Variants in WDR47 observed in about 807,000 individuals in gnomAD.
WDR47 encodes the protein WD repeat domain 47, also known as WD repeat-containing protein 47.
A neutral mutation model predicts 97.2 loss-of-function variants in WDR47; 32 were observed. The ratio of observed to expected loss-of-function variants is 0.33; its 90% CI spans 0.25 to 0.44. The LOEUF (loss-of-function observed/expected upper bound fraction) is 0.44. Among genes scored for constraint, WDR47 ranks in the 20% least tolerant of loss-of-function variants. WDR47 has a pLI of 1.00. For missense variants in WDR47, 782 were observed against 1,102.3 expected (o/e 0.71, Z 4.11); for synonymous variants, 375 against 373.5 (o/e 1.00, Z -0.05).
At chr1:108,977,959 G>C (rs1658047072) in intron 13 of WDR47, among the ~76,000 whole-genome samples, 1 of 150,790 alleles carries the variant, frequency 6.6e-6, no homozygotes, top group Admixed American at 6.6e-5. Context: ...ACTCCAGTCT[G>C]GGTGACAAAA....
At chr1:109,016,355 T>C (rs1480402247) in intron 3 of WDR47, among the ~76,000 whole-genome samples, 1 of 151,842 alleles carries the variant, frequency 6.6e-6, no homozygotes, top group Non-Finnish European at 1.5e-5. Context: ...TGAGCTGTGT[T>C]CACACCACTG....
At chr1:108,987,654 G>C (rs1658942951) in intron 9 of WDR47, among the ~76,000 whole-genome samples, 1 of 151,916 alleles carries the variant, frequency 6.6e-6, no homozygotes, top group Non-Finnish European at 1.5e-5. Flanking sequence ...TTTTAGTAGA[G>C]ACAGGGTTTC....
chr1:108,971,343 C>A lies in WDR47; in HGVS notation c.*87G>T. Reference sequence around the variant, plus strand: ...CTTCGTGCTAAACCACTTTCCTGGACACTATGTTCTTCAGATTTGTAATTT... The same window carrying A: ...CTTCGTGCTAAACCACTTTCCTGGAAACTATGTTCTTCAGATTTGTAATTT... On this transcript the variant is annotated 3_prime_UTR_variant, in exon 15 of 15. Coordinates refer to ENST00000369962, the MANE Select transcript of WDR47 (RefSeq NM_001142551.2). 1 of 1,560,802 alleles carries A rather than the reference C, an allele frequency of 6.4e-7. No homozygotes were observed. The highest frequency in any genetic ancestry group is 8.7e-7 in the Non-Finnish European group (1 of 1,145,782).
intron 9 of WDR47, 196 bp from the exon 10 acceptor site, chr1:108,986,876 C>T: frequency 2.1e-6 from 1 of 471,436 alleles, no homozygotes; most frequent in Non-Finnish European, 3.8e-6. Flanking sequence ...AAGAGGCAAA[C>T]ACACAGACAA....
chr1:108,972,325 G>C (rs948012580), intron 14 of WDR47, among the ~76,000 whole-genome samples: 2 of 151,906 alleles, frequency 1.3e-5, no homozygotes, highest in African/African-American at 4.8e-5. Flanking sequence ...CATCTCACCT[G>C]AACTATTCCA....
rs752047548 is a variant in WDR47 at position 108,970,560 on chromosome 1, A to G, written c.*870T>C. On this transcript the variant is annotated 3_prime_UTR_variant, in exon 15 of 15. Coordinates refer to ENST00000369962, the MANE Select transcript of WDR47 (RefSeq NM_001142551.2). ...TTCCATTTTAAATTATCATGCAGACATAGCATTTCAAGCCATGCTATGGTC... is the reference window on the plus strand; with the variant it reads ...TTCCATTTTAAATTATCATGCAGACGTAGCATTTCAAGCCATGCTATGGTC... The G allele has an allele frequency of 2.0e-5, 3 of 152,674 alleles. No individual in the cohort carries two copies. Among genetic ancestry groups the G allele is most frequent in the Admixed American group, 2.0e-4 (3 of 15,284 alleles). The allele number at this position is 152,674 out of a possible 1,614,324, so 9.5% of individuals were successfully genotyped here. A position where few individuals can be genotyped will look rare whatever the true frequency, so the allele number is the denominator to read the frequency against.
intron 1 of WDR47, among the ~76,000 whole-genome samples, chr1:109,029,832 C>T (rs1451461303): frequency 6.7e-6 from 1 of 149,554 alleles, no homozygotes; most frequent in Non-Finnish European, 1.5e-5. Flanking sequence ...ACTGAGATCA[C>T]ACCACTGCAC....
intron 11 of WDR47, 75 bp downstream of exon 11, chr1:108,983,207 T>C (rs1231288724): frequency 7.4e-7 from 1 of 1,354,190 alleles, no homozygotes. Context: ...TTAAAGACAA[T>C]ACAGAAATAC....
intron 9 of WDR47, among the ~76,000 whole-genome samples, chr1:108,988,340 TAG>T (rs1659024294): frequency 1.3e-5 from 2 of 150,984 alleles, no homozygotes; most frequent in Admixed American, 6.6e-5. Context: ...TTCTAACAAA[TAG>T]AGTTTCATTT....
chr1:109,002,706 GTAGA>G (rs1660308408), intron 6 of WDR47, among the ~76,000 whole-genome samples: 1 of 152,144 alleles, frequency 6.6e-6, no homozygotes, highest in African/African-American at 2.4e-5. Context: ...GAAAATGAAT[GTAGA>G]TAAAGACTAA....
At chr1:109,037,159 G>A (rs992524632) in intron 1 of WDR47, among the ~76,000 whole-genome samples, 16 of 151,082 alleles carry the variant, frequency 1.1e-4, no homozygotes, top group African/African-American at 3.7e-4. Context: ...GAGAAACCCC[G>A]TCTCTACCAA....
At chr1:108,975,326 GTTAA>G (rs1432453382) in intron 13 of WDR47, among the ~76,000 whole-genome samples, 1 of 151,296 alleles carries the variant, frequency 6.6e-6, no homozygotes, top group Non-Finnish European at 1.5e-5. Context: ...TAATTATTTT[GTTAA>G]TTAATTATAC....
rs371808251 is a variant in WDR47 at position 109,017,606 on chromosome 1, A to G, written c.159-5T>C. On this transcript the variant is annotated splice_region_variant and splice_polypyrimidine_tract_variant and intron_variant, in intron 2 of 14. Transcript: ENST00000369962. ...TGACCATCAAGTATTAGCTGCCTAA[A>G]TAAAAAATTTAAAAAAACCAGCATG... 5.2e-4 allele frequency: 835 copies of G among 1,604,670 alleles called. 6 individuals carry two copies. Among genetic ancestry groups the G allele is most frequent in the Middle Eastern group, 1.2e-3 (7 of 6,052 alleles).
intron 1 of WDR47, among the ~76,000 whole-genome samples, chr1:109,033,003 G>C (rs1368296999): frequency 6.6e-6 from 1 of 151,630 alleles, no homozygotes; most frequent in Non-Finnish European, 1.5e-5. Flanking sequence ...CACACATAAA[G>C]AGTTAAATGG....
At chr1:108,973,270 C>G (rs575109443) in intron 14 of WDR47, among the ~76,000 whole-genome samples, 26 of 151,934 alleles carry the variant, frequency 1.7e-4, no homozygotes, top group Non-Finnish European at 2.9e-4. Flanking sequence ...CAGAACAAGA[C>G]TCTGTCTCAA....
At chr1:109,034,951 T>C (rs1662831507) in intron 1 of WDR47, among the ~76,000 whole-genome samples, 2 of 151,962 alleles carry the variant, frequency 1.3e-5, no homozygotes, top group South Asian at 4.1e-4. Context: ...TCTCTGTGTC[T>C]AAATAAATAT....
At chr1:109,034,063 T>C (rs934783142) in intron 1 of WDR47, among the ~76,000 whole-genome samples, 6 of 152,178 alleles carry the variant, frequency 3.9e-5, no homozygotes, top group Admixed American at 3.9e-4. Context: ...CCGAAGTGGG[T>C]GGATCACCTG....
intron 2 of WDR47, among the ~76,000 whole-genome samples, chr1:109,017,887 T>C (rs1020956513): frequency 1.6e-4 from 25 of 151,754 alleles, no homozygotes; most frequent in African/African-American, 5.8e-4. Context: ...GCTGGGACTA[T>C]AGGCTCGCAC....
chr1:109,011,116 G>C lies in WDR47; in HGVS notation c.930C>G (p.Thr310=), dbSNP rs1273621781. The change falls in exon 5 of 15, where the codon ACC becomes ACG. Residue 310 remains threonine (T), a synonymous_variant. Coordinates refer to ENST00000369962, the MANE Select transcript of WDR47 (RefSeq NM_001142551.2). ...CATCTAAAGCAGGATTCAGAGAGCG[G>C]GTCATATAGGCATCAGCTGATTGAG... ...RRPQSADAYM[T]RSLNPALDGL... 1.2e-6 allele frequency: 2 copies of C among 1,613,926 alleles called. No individual in the cohort carries two copies. The highest frequency in any genetic ancestry group is 2.2e-5 in the South Asian group (2 of 91,080).
Sources: gnomAD v4.1 joint callset for allele counts (sites outside exome capture counted in the v4.1 genomes callset) on GRCh38, gnomAD v4.1.1 for gene constraint, MANE v1.5 for transcripts, NCBI Gene and HGNC (gene_info 2026-07-23, HGNC 2026-07-21) for gene names.